Variants in DNMT3A observed in about 807,000 individuals in gnomAD.
DNMT3A encodes DNA methyltransferase 3 alpha.
A neutral mutation model predicts 117.6 loss-of-function variants in DNMT3A; 267 were observed. The observed-to-expected ratio is 2.27, with a 90% CI of 2.05 to 2.51. The LOEUF (loss-of-function observed/expected upper bound fraction) is 2.51, where lower values mean the gene tolerates loss of function less well. DNMT3A is among the 30% of genes most tolerant of loss of function. The probability of loss-of-function intolerance (pLI) is 0.00; values close to 1 mark genes in which losing one functional copy is unlikely to be tolerated. For missense variants in DNMT3A, 1,029 were observed against 1,260.2 expected (o/e 0.82, Z 2.78); for synonymous variants, 432 against 474.8 (o/e 0.91, Z 1.17).
upstream of DNMT3A, chr2:25,342,020 G>GT (rs1294192101): frequency 1.2e-6 from 1 of 854,242 alleles, no homozygotes; most frequent in African/African-American, 1.9e-5. This position sits in a 1 kb window ranked among gnomAD's most constrained non-coding sequence, Gnocchi z 5.9. Context: ...CCTCCGCCGG[G>GT]TCCCCCCCTC....
chr2:25,235,376 G>A (rs954910490), intron 22 of DNMT3A, among the ~76,000 whole-genome samples: 4 of 152,080 alleles, frequency 2.6e-5, no homozygotes, highest in African/African-American at 9.7e-5. Flanking sequence ...GTAGAGACGG[G>A]GTTTCGCCAT....
chr2:25,235,858 G>T (rs571674991), intron 21 of DNMT3A, 33 bp from the exon 22 acceptor site: 1 of 1,577,736 alleles, frequency 6.3e-7, no homozygotes, highest in Non-Finnish European at 8.7e-7. Context: ...GAATAAGCAC[G>T]AATTCATTCA....
chr2:25,280,961 G>A (rs981534276), intron 4 of DNMT3A, among the ~76,000 whole-genome samples: 6 of 152,174 alleles, frequency 3.9e-5, no homozygotes, highest in Admixed American at 3.9e-4. Flanking sequence ...TGGGGTCCTG[G>A]GAAGCGAAGT....
intron 12 of DNMT3A, 152 bp downstream of exon 12, chr2:25,245,868 A>G (rs1328460869): frequency 5.8e-6 from 6 of 1,036,842 alleles, no homozygotes; most frequent in Admixed American, 1.9e-5. Flanking sequence ...TCATGGCACC[A>G]GAAAGACAGA....
Position 25,301,008 on chromosome 2 carries a change from C to T in DNMT3A, c.73-765G>A, listed in dbSNP as rs897335816. Reference sequence around the variant, plus strand: ...TAAAATCGCTGGGCATGGTGGCTCACGCCTATGATCCTAGCACTTTGGGAG... The same window carrying T: ...TAAAATCGCTGGGCATGGTGGCTCATGCCTATGATCCTAGCACTTTGGGAG... On this transcript the variant is annotated intron_variant, in intron 2 of 22. Transcript: ENST00000321117. 7.3e-5 allele frequency among the ~76,000 whole-genome samples: 11 copies of T among 151,530 alleles called. No individual in the cohort carries two copies. The East Asian group carries it at 7.8e-4, about 11-fold the overall frequency.
chr2:25,274,858 C>A, intron 6 of DNMT3A, 83 bp downstream of exon 6: 2 of 1,537,412 alleles, frequency 1.3e-6, no homozygotes, highest in South Asian at 1.2e-5. Flanking sequence ...TAAGGGTTAG[C>A]CTGAAGGGGA....
At chr2:25,245,503 C>T (rs1198344373) in intron 12 of DNMT3A, among the ~76,000 whole-genome samples, 171 bp from the exon 13 acceptor site, 1 of 152,254 alleles carries the variant, frequency 6.6e-6, no homozygotes, top group African/African-American at 2.4e-5. Context: ...CAGTCTCGAA[C>T]GCCATCATCT....
At chr2:25,289,831 C>T (rs2032611008) in intron 3 of DNMT3A, among the ~76,000 whole-genome samples, 1 of 152,238 alleles carries the variant, frequency 6.6e-6, no homozygotes. Context: ...ATTCCCCAGC[C>T]CTGCCGCCGC....
At chr2:25,326,949 T>C (rs2034811233) in intron 1 of DNMT3A, among the ~76,000 whole-genome samples, 1 of 152,194 alleles carries the variant, frequency 6.6e-6, no homozygotes, top group Admixed American at 6.5e-5. Flanking sequence ...ACAACTTTCC[T>C]TGGGACCCAA....
chr2:25,241,701 A>G lies in DNMT3A; in HGVS notation c.1943T>C (p.Leu648Pro), dbSNP rs587777507. ...SLFDGIATGL[L>P]VLKDLGIQVD... ...CTGAATGCCCAAGTCCTTCAGCACC[A>G]GGAGCCCTGCACCAGCCAGCAGACA... Residue 648 changes from leucine to proline, a missense_variant, in exon 17 of 23, where the codon CTG becomes CCG. Coordinates refer to ENST00000321117, the MANE Select transcript of DNMT3A (RefSeq NM_022552.5). 1 of 1,613,776 alleles carries G rather than the reference A, an allele frequency of 6.2e-7. No individual in the cohort carries two copies. Among genetic ancestry groups the G allele is most frequent in the Non-Finnish European group, 8.5e-7 (1 of 1,179,886 alleles).
chr2:25,247,721 AGC>A lies in DNMT3A; in HGVS notation c.882_883del (p.Glu294AspfsTer29), dbSNP rs1391240201. ...GAAGCCCCGCAGTTTCCCCCACACC[AGC>A]TCCCCAATGCCAAAGCCCCGGCCGT... On this transcript the variant is annotated frameshift_variant, in exon 8 of 23. Transcript: ENST00000321117. LOFTEE classifies it high-confidence loss of function. This position sits in a 1 kb window ranked among gnomAD's most constrained non-coding sequence, Gnocchi z 5.6. The A allele has an allele frequency of 6.2e-7, 1 of 1,612,282 alleles. No individual in the cohort carries two copies. The highest frequency in any genetic ancestry group is 1.3e-5 in the African/African-American group (1 of 74,534).
chr2:25,241,008 A>C (rs1310246080), intron 17 of DNMT3A, among the ~76,000 whole-genome samples: 1 of 152,126 alleles, frequency 6.6e-6, no homozygotes, highest in Non-Finnish European at 1.5e-5. Flanking sequence ...TGGACGGCTG[A>C]GTCTGAAGGT....
chr2:25,244,138 C>A lies in DNMT3A; in HGVS notation c.1851+17G>T, dbSNP rs1324776417. 1.2e-6 allele frequency: 2 copies of A among 1,613,966 alleles called. No individual in the cohort carries two copies. Among genetic ancestry groups the A allele is most frequent in the Non-Finnish European group, 1.7e-6 (2 of 1,180,012 alleles). On this transcript the variant is annotated intron_variant, in intron 15 of 22. Coordinates refer to ENST00000321117, the MANE Select transcript of DNMT3A (RefSeq NM_022552.5). ...AGCCAAGGGAGCTCGAGACCGCGCCCCAGGCCCAGCACTCACAAATTCCTG... is the reference window on the plus strand; with the variant it reads ...AGCCAAGGGAGCTCGAGACCGCGCCACAGGCCCAGCACTCACAAATTCCTG...
rs1019470161 is a variant in DNMT3A at position 25,298,562 on chromosome 2, G to A, written c.177+1577C>T. Among the ~76,000 whole-genome samples, 2 of 152,116 alleles carry A rather than the reference G, an allele frequency of 1.3e-5. No homozygotes were observed. Among genetic ancestry groups the A allele is most frequent in the African/African-American group, 2.4e-5 (1 of 41,406 alleles). On this transcript the variant is annotated intron_variant, in intron 3 of 22. Transcript: ENST00000321117. The surrounding 1 kb of genome is among the most constrained non-coding windows in gnomAD (Gnocchi z 4.3). Reference sequence around the variant, plus strand: ...TTGCCAAGCCTCAGGAGAGAGGCAGGGCACGCTGCAAATGTGGAGTCACCA... The same window carrying A: ...TTGCCAAGCCTCAGGAGAGAGGCAGAGCACGCTGCAAATGTGGAGTCACCA...
intron 13 of DNMT3A, among the ~76,000 whole-genome samples, chr2:25,244,915 C>A (rs1674557486): frequency 6.6e-6 from 1 of 152,210 alleles, no homozygotes; most frequent in Admixed American, 6.5e-5. Context: ...CTTCCTGCAG[C>A]CCTGGGTTTT....
intron 6 of DNMT3A, among the ~76,000 whole-genome samples, chr2:25,250,083 G>T (rs1675325347): frequency 1.3e-5 from 2 of 148,412 alleles, no homozygotes; most frequent in African/African-American, 5.3e-5. Flanking sequence ...CACCTGAACG[G>T]AAGGATTTCT....
chr2:25,264,132 G>GTTTTTTTTTTCTTTT (rs2029960683), intron 6 of DNMT3A, among the ~76,000 whole-genome samples: 1 of 73,740 alleles, frequency 1.4e-5, no homozygotes, highest in African/African-American at 5.5e-5. Context: ...CAACCCTTTG[G>GTTTTTTTTTTCTTTT]TTTTTTTTTT....
intron 4 of DNMT3A, among the ~76,000 whole-genome samples, chr2:25,276,999 G>C (rs945381136): frequency 1.3e-5 from 2 of 152,170 alleles, no homozygotes; most frequent in Admixed American, 1.3e-4. Context: ...GCTGTCCTCC[G>C]TGGTTCTGTC....
intron 1 of DNMT3A, chr2:25,314,804 C>T (rs2149430550): frequency 1.4e-6 from 1 of 717,942 alleles, no homozygotes; most frequent in Non-Finnish European, 1.7e-6. Flanking sequence ...TGCTCTCTCC[C>T]CCACCCCATG....
Sources: allele counts gnomAD v4.1 joint callset (sites outside exome capture counted in the v4.1 genomes callset), GRCh38; gene constraint gnomAD v4.1.1; non-coding constraint Gnocchi (gnomAD v3.1); transcripts MANE v1.5; gene names NCBI Gene and HGNC (gene_info 2026-07-23, HGNC 2026-07-21).